The following INSC variants were observed in gnomAD, a reference collection of about 807,000 sequenced individuals.
INSC encodes protein inscuteable homolog.
In INSC, 67 loss-of-function variants were observed where a neutral mutation model predicts 58.6. The observed-to-expected ratio is 1.14, with a 90% confidence interval of 0.94 to 1.40. The LOEUF is 1.40. Ranked by LOEUF, INSC falls within the 40% of genes most tolerant of loss-of-function variation. The probability of loss-of-function intolerance (pLI) is 0.00; values close to 1 mark genes in which losing one functional copy is unlikely to be tolerated. For synonymous variants in INSC, 262 were observed against 276.1 expected (o/e 0.95, Z 0.51); for missense variants, 714 against 692.0 (o/e 1.03, Z -0.36).
chr11:15,177,978 C>A (rs1026802227), intron 4 of INSC, among the ~76,000 whole-genome samples: 3 of 152,354 alleles, frequency 2.0e-5, no homozygotes, highest in Admixed American at 6.5e-5. Flanking sequence ...CTCTTTGAAG[C>A]TTCTTGCCCC....
intron 1 of INSC, among the ~76,000 whole-genome samples, chr11:15,121,754 C>T: frequency 6.6e-6 from 1 of 152,190 alleles, no homozygotes; most frequent in East Asian, 1.9e-4. Flanking sequence ...TCCCCACTCC[C>T]TCCCTTCCTA....
chr11:15,248,768 T>C (rs1439815309), downstream of INSC, among the ~76,000 whole-genome samples: 1 of 152,190 alleles, frequency 6.6e-6, no homozygotes, highest in African/African-American at 2.4e-5. Flanking sequence ...AAGGTGCATG[T>C]ATATCAACCA....
intron 1 of INSC, among the ~76,000 whole-genome samples, chr11:15,131,281 AC>A: frequency 6.6e-6 from 1 of 151,638 alleles, no homozygotes; most frequent in East Asian, 1.9e-4. Flanking sequence ...TTCTTCTTTG[AC>A]CTATTGCTTG....
chr11:15,258,292 AAG>A, the INSC span, among the ~76,000 whole-genome samples: 3 of 152,332 alleles, frequency 2.0e-5, no homozygotes, highest in East Asian at 5.8e-4. Context: ...GTTATAAAGA[AAG>A]AGATTGCTGG....
chr11:15,117,205 C>G (rs1191855456), intron 1 of INSC, among the ~76,000 whole-genome samples: 1 of 151,824 alleles, frequency 6.6e-6, no homozygotes, highest in Non-Finnish European at 1.5e-5. Flanking sequence ...GCCTCCGATA[C>G]TGCTGGGATA....
At chr11:15,157,749 G>A (rs567190866) in intron 2 of INSC, among the ~76,000 whole-genome samples, 13 of 152,254 alleles carry the variant, frequency 8.5e-5, no homozygotes, top group African/African-American at 1.7e-4. Context: ...ATTATGTGGC[G>A]GCACCGTGAC....
intron 1 of INSC, among the ~76,000 whole-genome samples, chr11:15,133,847 A>G (rs1848179892): frequency 6.6e-6 from 1 of 152,252 alleles, no homozygotes; most frequent in South Asian, 2.1e-4. Context: ...CATTAAAAGC[A>G]TCATTATTCA....
chr11:15,153,738 TC>T (rs140555234), intron 2 of INSC, among the ~76,000 whole-genome samples: 1,833 of 152,308 alleles, frequency 0.012, 43 homozygotes, highest in African/African-American at 0.043. Flanking sequence ...GGAACCGAGT[TC>T]ATAGAGGCAT....
chr11:15,182,877 C>T (rs1013722977), intron 5 of INSC, among the ~76,000 whole-genome samples: 6 of 152,126 alleles, frequency 3.9e-5, no homozygotes, highest in African/African-American at 1.4e-4. Flanking sequence ...TTCCAAAAGG[C>T]ATACTCTTCA....
the INSC span, among the ~76,000 whole-genome samples, chr11:15,257,839 CT>C: frequency 6.6e-6 from 1 of 152,142 alleles, no homozygotes; most frequent in African/African-American, 2.4e-5. Context: ...CCTGCCCACC[CT>C]TGATCTGTGA....
upstream of INSC, among the ~76,000 whole-genome samples, chr11:15,114,747 G>A (rs1287751561): frequency 2.0e-5 from 3 of 152,254 alleles, no homozygotes; most frequent in East Asian, 3.9e-4. Flanking sequence ...TCGTAGTCCC[G>A]CGGAGACAGC....
intron 1 of INSC, among the ~76,000 whole-genome samples, chr11:15,120,526 A>G (rs115342209): frequency 0.033 from 4,999 of 152,286 alleles, 293 homozygotes; most frequent in African/African-American, 0.11. Flanking sequence ...CATTGTAGGT[A>G]GAGAGACCAG....
chr11:15,137,908 G>A (rs1314165363), intron 1 of INSC, among the ~76,000 whole-genome samples: 1 of 152,122 alleles, frequency 6.6e-6, no homozygotes, highest in Non-Finnish European at 1.5e-5. Context: ...GGCCTATCTG[G>A]GCTTTTGACA....
chr11:15,177,431 G>A (rs902825868), intron 4 of INSC, among the ~76,000 whole-genome samples: 1 of 152,180 alleles, frequency 6.6e-6, no homozygotes, highest in African/African-American at 2.4e-5. Flanking sequence ...ACAAGGAAAA[G>A]GTTTCCCACA....
chr11:15,131,218 AAT>A (rs571256017), intron 1 of INSC, among the ~76,000 whole-genome samples: 47 of 152,024 alleles, frequency 3.1e-4, no homozygotes, highest in African/African-American at 9.9e-4. Flanking sequence ...CATGATTTTT[AAT>A]ATGTCTATTT....
chr11:15,158,429 A>G (rs940764158), intron 2 of INSC, among the ~76,000 whole-genome samples: 21 of 152,032 alleles, frequency 1.4e-4, no homozygotes, highest in African/African-American at 3.9e-4. Flanking sequence ...GCCTTTGTAC[A>G]TGGTGTCTCC....
chr11:15,184,148 T>A (rs1305286320), intron 5 of INSC, among the ~76,000 whole-genome samples: 8 of 152,224 alleles, frequency 5.3e-5, no homozygotes, highest in African/African-American at 1.7e-4. Flanking sequence ...CTGTGCTTTT[T>A]AAATCATATT....
upstream of INSC, among the ~76,000 whole-genome samples, chr11:15,113,620 C>T (rs886811912): frequency 1.3e-5 from 2 of 152,178 alleles, no homozygotes; most frequent in African/African-American, 4.8e-5. Flanking sequence ...GGAACTGAGG[C>T]CCCTCTCAGG....
intron 12 of INSC, chr11:15,241,721 C>A: frequency 1.6e-6 from 1 of 639,050 alleles, no homozygotes; most frequent in Non-Finnish European, 2.8e-6. Context: ...CCTTTAAATG[C>A]AAAAAAGTAA....
Sources: gnomAD v4.1 joint callset for allele counts (sites outside exome capture counted in the v4.1 genomes callset) on GRCh38, gnomAD v4.1.1 for gene constraint, MANE v1.5 for transcripts, NCBI Gene and HGNC (gene_info 2026-07-23, HGNC 2026-07-21) for gene names.